Variants in MSI2 observed in about 807,000 individuals in gnomAD.
MSI2 encodes RNA-binding protein Musashi homolog 2.
A neutral mutation model predicts 45.6 loss-of-function variants in MSI2; 17 were observed. The ratio of observed to expected loss-of-function variants is 0.37; its 90% CI spans 0.26 to 0.56. The LOEUF (loss-of-function observed/expected upper bound fraction) is 0.56. Among genes scored for constraint, MSI2 ranks in the 20% least tolerant of loss-of-function variants. The probability of loss-of-function intolerance (pLI) is 0.77; values close to 1 mark genes in which losing one functional copy is unlikely to be tolerated. For missense variants in MSI2, 293 were observed against 444.2 expected (o/e 0.66, Z 3.06); for synonymous variants, 156 against 158.2 (o/e 0.99, Z 0.11).
chr17:57,391,450 T>C (rs2083788761), intron 5 of MSI2, among the ~76,000 whole-genome samples: 1 of 152,182 alleles, frequency 6.6e-6, no homozygotes, highest in Non-Finnish European at 1.5e-5. Context: ...CATGTCTCAG[T>C]TTACATAGGT....
At chr17:57,408,003 C>G (rs1290022908) in intron 6 of MSI2, among the ~76,000 whole-genome samples, 2 of 152,178 alleles carry the variant, frequency 1.3e-5, no homozygotes, top group Non-Finnish European at 2.9e-5. Flanking sequence ...GGCCAGGTGG[C>G]AGAGGCAAAC....
chr17:57,450,319 G>A (rs893022263), intron 6 of MSI2: 1 of 134,798 alleles, frequency 7.4e-6, no homozygotes, highest in Non-Finnish European at 1.6e-5. Flanking sequence ...AAGAAAGAAA[G>A]AAAACCTTTG....
chr17:57,524,021 C>A (rs2086647847), intron 6 of MSI2, among the ~76,000 whole-genome samples: 1 of 152,186 alleles, frequency 6.6e-6, no homozygotes. Flanking sequence ...CTGATCCTGG[C>A]TGGCCTCACT....
chr17:57,631,600 C>T (rs913856049), intron 10 of MSI2: 1 of 573,584 alleles, frequency 1.7e-6, no homozygotes, highest in Non-Finnish European at 3.1e-6. Flanking sequence ...TGGGTGGTGA[C>T]CAACCACTCT....
At chr17:57,453,605 G>C (rs926935479) in intron 6 of MSI2, among the ~76,000 whole-genome samples, 3 of 152,194 alleles carry the variant, frequency 2.0e-5, no homozygotes, top group Non-Finnish European at 2.9e-5. Context: ...ACAAGCATTT[G>C]CCTGTGTACA....
At chr17:57,537,084 T>C (rs1478862293) in intron 7 of MSI2, among the ~76,000 whole-genome samples, 1 of 152,112 alleles carries the variant, frequency 6.6e-6, no homozygotes, top group Non-Finnish European at 1.5e-5. Flanking sequence ...AGAGTTTCCA[T>C]TGGAAAAGAG....
intron 6 of MSI2, among the ~76,000 whole-genome samples, chr17:57,442,922 G>A (rs969299912): frequency 6.6e-6 from 1 of 152,180 alleles, no homozygotes; most frequent in Non-Finnish European, 1.5e-5. Flanking sequence ...GAAGAAAAGC[G>A]CTAATGGGAG....
intron 10 of MSI2, among the ~76,000 whole-genome samples, chr17:57,644,070 C>G (rs1910460334): frequency 6.6e-6 from 1 of 152,230 alleles, no homozygotes; most frequent in Non-Finnish European, 1.5e-5. Flanking sequence ...ACCCCCTTCC[C>G]CAACCAGCAG....
intron 7 of MSI2, among the ~76,000 whole-genome samples, chr17:57,586,999 A>G (rs1434370118): frequency 6.6e-6 from 1 of 152,198 alleles, no homozygotes; most frequent in African/African-American, 2.4e-5. Context: ...GGCTTGCGTC[A>G]GCATCAGAAT....
rs962599396 is a variant in MSI2, at chr17:57,280,342, G to C, written c.312+18150G>C. Among the ~76,000 whole-genome samples the C allele has an allele frequency of 2.6e-5, 4 of 152,348 alleles. No homozygotes were observed. The highest frequency in any genetic ancestry group is 9.6e-5 in the African/African-American group (4 of 41,574). On this transcript the variant is annotated intron_variant, in intron 5 of 13. Coordinates refer to ENST00000284073, the MANE Select transcript of MSI2 (RefSeq NM_138962.4). The surrounding 1 kb of genome is among the most constrained non-coding windows in gnomAD (Gnocchi z 4.2). ...CGAAAAGTGGCTTGTGGGTACCCCA[G>C]GGGGCTGTGGGGGAATCAGTGAGTA...
intron 7 of MSI2, among the ~76,000 whole-genome samples, chr17:57,594,303 G>C (rs932065218): frequency 2.0e-5 from 3 of 152,040 alleles, no homozygotes; most frequent in Non-Finnish European, 2.9e-5. Flanking sequence ...GTTAGGATCT[G>C]GGCCCTAGGA....
chr17:57,659,060 G>A (rs533202737), intron 11 of MSI2, among the ~76,000 whole-genome samples: 7 of 151,694 alleles, frequency 4.6e-5, no homozygotes, highest in African/African-American at 1.7e-4. Context: ...TTTTTATTTG[G>A]TTGGTTGGTT....
At chr17:57,697,502 TCA>T in the MSI2 span, among the ~76,000 whole-genome samples, 1 of 152,064 alleles carries the variant, frequency 6.6e-6, no homozygotes, top group Non-Finnish European at 1.5e-5. Flanking sequence ...ACTGCTTCCC[TCA>T]CACTCCCACC....
chr17:57,698,892 AGT>A, the MSI2 span, among the ~76,000 whole-genome samples: 13,316 of 118,316 alleles, frequency 0.11, 804 homozygotes, highest in Non-Finnish European at 0.13. Flanking sequence ...GATACAAGGA[AGT>A]GTGTGTGTGT....
chr17:57,653,752 C>A (rs919262693), intron 11 of MSI2, among the ~76,000 whole-genome samples: 2 of 152,094 alleles, frequency 1.3e-5, no homozygotes, highest in East Asian at 1.9e-4. Context: ...CCCCACCCCA[C>A]CCCGTTCTCC....
Position 57,298,371 on chromosome 17 carries a change from C to T in MSI2, c.312+36179C>T, listed in dbSNP as rs138350548. On this transcript the variant is annotated intron_variant, in intron 5 of 13. Transcript: ENST00000284073. The stretch of plus-strand genomic sequence containing the variant: ...ATCTTTTTTTCTCAGCAGTAGGTCT[C>T]AACAGTGGGCTTAAAATATTCAGTA... Among the ~76,000 whole-genome samples, 1,018 of 152,288 alleles carry T rather than the reference C, an allele frequency of 6.7e-3. 10 individuals are homozygous for T. Among genetic ancestry groups the T allele is most frequent in the South Asian group, 0.021 (99 of 4,816 alleles).
chr17:57,642,014 C>T (rs1383605667), intron 10 of MSI2, among the ~76,000 whole-genome samples: 1 of 152,238 alleles, frequency 6.6e-6, no homozygotes, highest in Non-Finnish European at 1.5e-5. Flanking sequence ...ATTCTTGATG[C>T]TAGCTGTCTG....
Position 57,646,231 on chromosome 17 carries a change from CTG to C in MSI2, c.728-5865_728-5864del, listed in dbSNP as rs536204218. Among the ~76,000 whole-genome samples the C allele has an allele frequency of 4.6e-5, 7 of 152,322 alleles. No individual in the cohort carries two copies. In the East Asian group the frequency reaches 1.3e-3, roughly 29 times the overall value. ...AAATAAGATATGCACACAAAAATAA[CTG>C]TGCTTAGGTAAGGAAGAAGCTGGTA... On this transcript the variant is annotated intron_variant, in intron 10 of 13. Transcript: ENST00000284073.
intron 7 of MSI2, among the ~76,000 whole-genome samples, chr17:57,534,970 G>A (rs2086892448): frequency 6.6e-6 from 1 of 152,226 alleles, no homozygotes; most frequent in African/African-American, 2.4e-5. Flanking sequence ...ATAAGATCTG[G>A]GACTTGGCAT....
Sources: allele counts gnomAD v4.1 joint callset (sites outside exome capture counted in the v4.1 genomes callset), GRCh38; gene constraint gnomAD v4.1.1; non-coding constraint Gnocchi (gnomAD v3.1); transcripts MANE v1.5; gene names NCBI Gene and HGNC (gene_info 2026-07-23, HGNC 2026-07-21).